DMPK: variants seen among roughly 807,000 people sequenced by gnomAD.
DMPK encodes the protein DM1 protein kinase.
A neutral mutation model predicts 70.3 loss-of-function variants in DMPK; 32 were observed. The ratio of observed to expected loss-of-function variants is 0.46; its 90% confidence interval spans 0.34 to 0.61. DMPK has a LOEUF of 0.61. DMPK is among the 20% of genes least tolerant of loss of function. The pLI is 0.01. For missense variants in DMPK, 899 were observed against 886.0 expected (o/e 1.01, Z -0.19); for synonymous variants, 469 against 390.9 (o/e 1.20, Z -2.36).
At chr19:45,776,812 C>T (rs1969797484) in intron 8 of DMPK, 1 of 153,782 alleles carries the variant, frequency 6.5e-6, no homozygotes, top group Non-Finnish European at 1.4e-5. Context: ...CTGCCACACT[C>T]TCCATAATTC....
intron 10 of DMPK, chr19:45,772,159 C>T (rs1969499007): frequency 1.8e-6 from 1 of 553,582 alleles, no homozygotes; most frequent in Non-Finnish European, 3.1e-6. Context: ...AGGGCTGGTG[C>T]TCAAACACTA....
chr19:45,778,295 G>A, intron 5 of DMPK, 75 bp from the exon 6 acceptor site: 1 of 1,466,366 alleles, frequency 6.8e-7, no homozygotes, highest in Non-Finnish European at 9.4e-7. Flanking sequence ...GCCCCTCCGG[G>A]CAGTGCCACC....
At chr19:45,770,784 TC>T (rs2146219483) in intron 14 of DMPK, 144 bp from the exon 15 acceptor site, 1 of 1,067,628 alleles carries the variant, frequency 9.4e-7, no homozygotes, top group East Asian at 2.6e-5. Flanking sequence ...GTTAGTCCAC[TC>T]GCACGCCTCG....
chr19:45,778,677 C>T (rs369808315), intron 4 of DMPK, 36 bp from the exon 5 acceptor site: 170 of 1,602,536 alleles, frequency 1.1e-4, no homozygotes, highest in Non-Finnish European at 1.4e-4. Context: ...TTGGTAGTCC[C>T]CTGAGGCCCT....
chr19:45,773,652 T>C (rs1202771817), intron 9 of DMPK, among the ~76,000 whole-genome samples: 1 of 152,236 alleles, frequency 6.6e-6, no homozygotes, highest in Non-Finnish European at 1.5e-5. Flanking sequence ...ATTATTTGTG[T>C]AATTAATACT....
At position 45,782,299 on chromosome 19, in the gene DMPK, G is replaced by A. The variant is rs766093732; in HGVS notation, c.54C>T (p.Gly18=). The change falls in exon 1 of 15, where the codon GGC becomes GGT. Residue 18 remains glycine (G), a synonymous_variant. Coordinates refer to ENST00000291270, the MANE Select transcript of DMPK (RefSeq NM_004409.5). ...CGAGCAGGGGCTCCAGCCCCAGGAA[G>A]CCCGGGTCCAACACCAGCTGCTGGA... ...RRLQQLVLDP[G]FLGLEPLLDL... The A allele has an allele frequency of 1.6e-5, 26 of 1,594,902 alleles. No individual in the cohort carries two copies. In the South Asian group the frequency reaches 2.1e-4, roughly 13 times the overall value.
Position 45,770,405 on chromosome 19 carries a change from CA to C in DMPK, c.*82del, listed in dbSNP as rs1247570921. The C allele has an allele frequency of 2.0e-6, 3 of 1,495,596 alleles. No individual in the cohort carries two copies. The African/African-American group carries it at 4.2e-5, about 21-fold the overall frequency. 92.6% of individuals were successfully genotyped at this position (1,495,596 alleles called of 1,614,324 possible). A position where few individuals can be genotyped will look rare whatever the true frequency, so the allele number is the denominator to read the frequency against. ...CACGCTCGGAGCGGTTGTGAACTGG[CA>C]GGCGGTGGGCGCGGCTTCTGTGCCG... On this transcript the variant is annotated 3_prime_UTR_variant, in exon 15 of 15. Transcript: ENST00000291270.
chr19:45,775,666 C>T lies in DMPK; in HGVS notation c.1147-632G>A, dbSNP rs1235243772. 1.8e-5 allele frequency among the ~76,000 whole-genome samples: 2 copies of T among 110,150 alleles called. 1 individual carries two copies. Among genetic ancestry groups the T allele is most frequent in the African/African-American group, 6.2e-5 (2 of 32,454 alleles). The allele number at this position is 110,150 out of a possible 152,430, so 72.3% of individuals were successfully genotyped here. On this transcript the variant is annotated intron_variant, in intron 8 of 14. Coordinates refer to ENST00000291270, the MANE Select transcript of DMPK (RefSeq NM_004409.5). The stretch of plus-strand genomic sequence containing the variant: ...CTGAGTAGCTGGCATTACAGGCATA[C>T]GCCACCAAGCCTGGCTAAATTTTGT...
Position 45,777,255 on chromosome 19 carries a change from T to C in DMPK, c.1146+72A>G. 2 of 1,474,534 alleles carry C rather than the reference T, an allele frequency of 1.4e-6. No individual in the cohort carries two copies. The highest frequency in any genetic ancestry group is 1.8e-6 in the Non-Finnish European group (2 of 1,114,114). 91.3% of individuals were successfully genotyped at this position (1,474,534 alleles called of 1,614,324 possible). On this transcript the variant is annotated intron_variant, in intron 8 of 14. Coordinates refer to ENST00000291270, the MANE Select transcript of DMPK (RefSeq NM_004409.5). This position sits in a 1 kb window ranked among gnomAD's most constrained non-coding sequence, Gnocchi z 6.7. Reference sequence around the variant, plus strand: ...ATTCAGGACCCCAGAAGGTAGGCACTGTCCTTACTCCAACTTTATGGAGGG... The same window carrying C: ...ATTCAGGACCCCAGAAGGTAGGCACCGTCCTTACTCCAACTTTATGGAGGG...
rs572223097 is a variant in DMPK at position 45,771,068 on chromosome 19, G to C, written c.1648-8C>G. On this transcript the variant is annotated splice_region_variant and splice_polypyrimidine_tract_variant and intron_variant, in intron 13 of 14. Transcript: ENST00000291270. ...GGCCGGGGGGCCATCTAGCTGGAGAGAGAAGGGACAGGTGACCCGATCGGA... is the reference window on the plus strand; with the variant it reads ...GGCCGGGGGGCCATCTAGCTGGAGACAGAAGGGACAGGTGACCCGATCGGA... 2.6e-6 allele frequency: 4 copies of C among 1,527,680 alleles called. No homozygotes were observed. Among genetic ancestry groups the C allele is most frequent in the Middle Eastern group, 1.7e-4 (1 of 5,898 alleles). The allele number at this position is 1,527,680 out of a possible 1,614,324, so 94.6% of individuals were successfully genotyped here. A position where few individuals can be genotyped will look rare whatever the true frequency, so the allele number is the denominator to read the frequency against.
Position 45,770,992 on chromosome 19 carries a change from G to A in DMPK, c.1716C>T (p.Arg572=), listed in dbSNP as rs1274811338. The change falls in exon 14 of 15, where the codon CGC becomes CGT. Residue 572 remains arginine (R), a synonymous_variant. Coordinates refer to ENST00000291270, the MANE Select transcript of DMPK (RefSeq NM_004409.5). ...GTACCCTGGCAGGGAGCAGCAGGTG[G>A]CGGCGGTGCATGGGGCCTGGCCCCA... ...PLVGPGPMHR[R]HLLLPARVPR... is the part of the protein sequence containing the mutation. The A allele has an allele frequency of 7.0e-7, 1 of 1,437,488 alleles. No homozygotes were observed. The highest frequency in any genetic ancestry group is 9.1e-7 in the Non-Finnish European group (1 of 1,099,478). 89.0% of individuals were successfully genotyped at this position (1,437,488 alleles called of 1,614,324 possible).
chr19:45,770,091 G>A lies in DMPK; in HGVS notation c.*397C>T, dbSNP rs1194865678. 1 of 547,080 alleles carries A rather than the reference G, an allele frequency of 1.8e-6. No individual in the cohort carries two copies. The highest frequency in any genetic ancestry group is 3.6e-5 in the East Asian group (1 of 27,746). 33.9% of individuals were successfully genotyped at this position (547,080 alleles called of 1,614,324 possible). A position where few individuals can be genotyped will look rare whatever the true frequency, so the allele number is the denominator to read the frequency against. On this transcript the variant is annotated 3_prime_UTR_variant, in exon 15 of 15. Transcript: ENST00000291270. Reference sequence around the variant, plus strand: ...TTGCGAACCAACGATAGGTGGGGGTGCGTGGAGGATGGAACACGGACGGCC... The same window carrying A: ...TTGCGAACCAACGATAGGTGGGGGTACGTGGAGGATGGAACACGGACGGCC...
chr19:45,770,639 A>T lies in DMPK; in HGVS notation c.1739T>A (p.Val580Asp), dbSNP rs1050797574. 3 of 1,551,174 alleles carry T rather than the reference A, an allele frequency of 1.9e-6. No homozygotes were observed. The highest frequency in any genetic ancestry group is 2.7e-5 in the African/African-American group (2 of 73,184). The change falls in exon 15 of 15, where the codon GTC (valine) becomes GAC (aspartate). Residue 580 changes from valine (V) to aspartate (D), a missense_variant and splice_region_variant. Coordinates refer to ENST00000291270, the MANE Select transcript of DMPK (RefSeq NM_004409.5). ...HRRHLLLPAR[V>D]PRPGLSEALS... is the part of the protein sequence containing the mutation. ...CGCCTCCGATAGGCCAGGCCTAGGG[A>T]CCTGCGGGGAGAGGGCGAGGTCAAC...
At chr19:45,779,581 G>T in intron 2 of DMPK, 59 bp from the exon 3 acceptor site, 3 of 1,603,690 alleles carry the variant, frequency 1.9e-6, no homozygotes, top group Non-Finnish European at 2.6e-6. Context: ...GGCTCGCCCA[G>T]ACCCAACTCC....
chr19:45,778,720 C>T (rs1969928914), intron 4 of DMPK, 79 bp from the exon 5 acceptor site: 1 of 1,445,216 alleles, frequency 6.9e-7, no homozygotes, highest in Non-Finnish European at 9.5e-7. Context: ...CAACCCCTCC[C>T]AGAGACACCC....
At chr19:45,770,943 G>T (rs1254551710) in intron 14 of DMPK, 28 bp downstream of exon 14, 3 of 1,400,084 alleles carry the variant, frequency 2.1e-6, no homozygotes, top group Non-Finnish European at 2.8e-6. Flanking sequence ...GCGCGACGGC[G>T]GAGGGGGGCG....
chr19:45,777,829 G>A lies in DMPK; in HGVS notation c.720C>T (p.Pro240=), dbSNP rs374746286. 70 of 1,611,684 alleles carry A rather than the reference G, an allele frequency of 4.3e-5. No individual in the cohort carries two copies. The highest frequency in any genetic ancestry group is 2.0e-4 in the African/African-American group (15 of 75,056). ...CACCGCCCACAGCCTGCAGGATCTC[G>A]GGGGACAGGTAGTCTGGGGTGCCCA... ...VAVGTPDYLS[P]EILQAVGGGP... Residue 240 remains proline (P), a synonymous_variant, in exon 7 of 15, where the codon CCC becomes CCT. Coordinates refer to ENST00000291270, the MANE Select transcript of DMPK (RefSeq NM_004409.5). This position sits in a 1 kb window ranked among gnomAD's most constrained non-coding sequence, Gnocchi z 6.7.
In DMPK at chr19:45,771,642, C is replaced by T. The variant is rs1258630510; in HGVS notation, c.1526G>A (p.Arg509Gln). Reference sequence around the variant, plus strand: ...GACGTGTGCCTCTAGGTCCCGGTTCCGAGCCTCTGCCTCGCGTAGTTGACT... The same window carrying T: ...GACGTGTGCCTCTAGGTCCCGGTTCTGAGCCTCTGCCTCGCGTAGTTGACT... ...FASQLREAEARNRDLEAHVRQ... is the reference protein window; with the variant it reads ...FASQLREAEAQNRDLEAHVRQ... The change falls in exon 12 of 15, where the codon CGG (arginine) becomes CAG (glutamine). Residue 509 changes from arginine (R) to glutamine (Q), a missense_variant. Physicochemically the swap from Arg to Gln is conservative, Grantham distance 43. This residue lies in a region of DMPK where 555 missense variants were observed against 483.8 expected (regional missense o/e 1.15). Coordinates refer to ENST00000291270, the MANE Select transcript of DMPK (RefSeq NM_004409.5). The T allele has an allele frequency of 2.5e-6, 4 of 1,613,874 alleles. No homozygotes were observed. Among genetic ancestry groups the T allele is most frequent in the South Asian group, 1.1e-5 (1 of 91,088 alleles).
chr19:45,779,655 C>A, intron 2 of DMPK, 123 bp downstream of exon 2: 1 of 1,554,438 alleles, frequency 6.4e-7, no homozygotes, highest in South Asian at 1.2e-5. Flanking sequence ...TGGTCCCAAG[C>A]CCCGCCTCCA....
Sources: allele counts gnomAD v4.1 joint callset (sites outside exome capture counted in the v4.1 genomes callset), GRCh38; gene constraint gnomAD v4.1.1; regional missense constraint gnomAD v4.1.1; non-coding constraint Gnocchi (gnomAD v3.1); transcripts MANE v1.5; gene names NCBI Gene and HGNC (gene_info 2026-07-23, HGNC 2026-07-21).